The following MAX variants were observed in gnomAD, a reference collection of about 807,000 sequenced individuals.
MAX encodes protein max.
MAX carries 3 observed loss-of-function variants against 22.3 expected under a neutral mutation model. That is an observed-to-expected ratio of 0.13 (90% confidence interval 0.06 to 0.35). The LOEUF is 0.35. Among genes scored for constraint, MAX ranks in the 10% least tolerant of loss-of-function variants. The pLI, the probability that MAX is intolerant of heterozygous loss-of-function variation, is 1.00. For synonymous variants in MAX, 72 were observed against 77.7 expected, an observed-to-expected ratio of 0.93 and a Z score of 0.39; for missense variants, 119 against 209.4, an observed-to-expected ratio of 0.57 and a Z score of 2.66.
At chr14:65,055,243 G>C (rs117920206) in intron 3 of MAX, among the ~76,000 whole-genome samples, 5 of 152,202 alleles carry the variant, frequency 3.3e-5, no homozygotes, top group Non-Finnish European at 5.9e-5. Flanking sequence ...ATGAGGGCAG[G>C]ATGCTCACTG....
chr14:65,015,210 C>T (rs991645741), intron 3 of MAX, among the ~76,000 whole-genome samples: 1 of 151,244 alleles, frequency 6.6e-6, no homozygotes, highest in African/African-American at 2.4e-5. Flanking sequence ...TCAAGTGATT[C>T]TCCTGCTTCG....
chr14:65,048,573 C>T (rs948442824), intron 3 of MAX, among the ~76,000 whole-genome samples: 4 of 152,146 alleles, frequency 2.6e-5, no homozygotes, highest in African/African-American at 9.7e-5. Flanking sequence ...CCTTAAAATG[C>T]TGGACATGGT....
intron 3 of MAX, among the ~76,000 whole-genome samples, chr14:65,019,833 T>G (rs2061852697): frequency 1.3e-5 from 2 of 152,240 alleles, no homozygotes; most frequent in South Asian, 4.1e-4. Flanking sequence ...AAATAGATTA[T>G]TTTTAGTAAG....
At chr14:65,083,851 G>A in intron 3 of MAX, 1 of 1,195,212 alleles carries the variant, frequency 8.4e-7, no homozygotes, top group East Asian at 3.7e-5. Flanking sequence ...GTAAAGGGAG[G>A]GCCCAGGGCT....
intron 3 of MAX, among the ~76,000 whole-genome samples, chr14:65,008,950 G>T (rs971928524): frequency 1.3e-5 from 2 of 152,062 alleles, no homozygotes; most frequent in Admixed American, 1.3e-4. Context: ...GTGAGACGGG[G>T]GCCCTCCTCA....
At chr14:65,100,377 G>A (rs1164391638) in intron 2 of MAX, among the ~76,000 whole-genome samples, 2 of 152,194 alleles carry the variant, frequency 1.3e-5, no homozygotes, top group African/African-American at 4.8e-5. Context: ...TTGAACCCAG[G>A]AGGCGGAGGT....
intron 3 of MAX, chr14:65,040,950 G>T (rs764240926): frequency 6.2e-7 from 1 of 1,608,694 alleles, no homozygotes; most frequent in Non-Finnish European, 8.5e-7. Flanking sequence ...CCCCCTCTCA[G>T]GCCCCAGGTC....
intron 3 of MAX, chr14:65,040,992 C>G: frequency 6.4e-7 from 1 of 1,570,718 alleles, no homozygotes; most frequent in Non-Finnish European, 8.7e-7. Flanking sequence ...GACATGCAGG[C>G]TTCAGGAGAG....
intron 3 of MAX, among the ~76,000 whole-genome samples, chr14:65,045,597 G>C (rs941795728): frequency 2.0e-5 from 3 of 152,122 alleles, no homozygotes; most frequent in Non-Finnish European, 4.4e-5. Context: ...TGTATTTTTA[G>C]TAGAGACAGG....
chr14:65,074,826 C>T (rs1363741627), downstream of MAX, among the ~76,000 whole-genome samples: 4 of 152,188 alleles, frequency 2.6e-5, no homozygotes, highest in Non-Finnish European at 5.9e-5. Context: ...CTACCAATTC[C>T]CCCAAAGGTC....
In MAX at chr14:65,102,494, A is replaced by G; in HGVS notation, c.-155T>C. ...TCTCTCACTCACACACACACACAAC[A>G]CGGGCAAGAACCACCTCCTCACTGC... On this transcript the variant is annotated 5_prime_UTR_variant, in exon 1 of 5. Coordinates refer to ENST00000358664, the MANE Select transcript of MAX (RefSeq NM_002382.5). 6 of 1,484,804 alleles carry G rather than the reference A, an allele frequency of 4.0e-6. No homozygotes were observed. The highest frequency in any genetic ancestry group is 1.4e-5 in the African/African-American group (1 of 72,170). The allele number at this position is 1,484,804 out of a possible 1,614,324, so 92.0% of individuals were successfully genotyped here.
chr14:65,032,676 C>T lies in MAX; in HGVS notation c.172-26392G>A, dbSNP rs1459855883. 1.5e-5 allele frequency: 25 copies of T among 1,613,752 alleles called. No homozygotes were observed. The highest frequency in any genetic ancestry group is 1.9e-5 in the Non-Finnish European group (23 of 1,180,002). On this transcript the variant is annotated intron_variant, in intron 3 of 3. Coordinates refer to the MAX transcript ENST00000341653. This position sits in a 1 kb window ranked among gnomAD's most constrained non-coding sequence, Gnocchi z 5.0. ...TCATCACTCCAGACCTCTTTGAGGG[C>T]ACTGCTGAATGGATAGCAAGGTGAG...
At chr14:65,052,039 C>A (rs1227621241) in intron 3 of MAX, among the ~76,000 whole-genome samples, 4 of 152,066 alleles carry the variant, frequency 2.6e-5, no homozygotes, top group Non-Finnish European at 5.9e-5. Context: ...TCGTGATCAA[C>A]CCCCCTCAGC....
chr14:65,017,083 T>C (rs6573589), intron 3 of MAX, among the ~76,000 whole-genome samples: 145,195 of 152,030 alleles, frequency 0.96, 69,398 homozygotes, highest in East Asian at 1. Context: ...CCACCGTGCC[T>C]GGCTAATTTT....
chr14:65,055,260 C>A (rs942761945), intron 3 of MAX, among the ~76,000 whole-genome samples: 21 of 152,232 alleles, frequency 1.4e-4, no homozygotes, highest in African/African-American at 5.1e-4. Flanking sequence ...ACTGCTGCAG[C>A]CAGCTGAGGA....
chr14:65,022,007 G>C (rs747129875), intron 3 of MAX: 3 of 455,874 alleles, frequency 6.6e-6, no homozygotes, highest in African/African-American at 6.0e-5. Flanking sequence ...GAGACTTGCC[G>C]GTGCTTGATG....
At position 65,093,286 on chromosome 14, in the gene MAX, C is replaced by A. The variant is rs547076746; in HGVS notation, c.171+422G>T. On this transcript the variant is annotated intron_variant, in intron 3 of 4. Coordinates refer to ENST00000358664, the MANE Select transcript of MAX (RefSeq NM_002382.5). The surrounding 1 kb of genome is among the most constrained non-coding windows in gnomAD (Gnocchi z 4.4). ...TTTTTCACATACATTACACACATTTCTGCAAGTGCTCATTTACAATAAAGT... is the reference window on the plus strand; with the variant it reads ...TTTTTCACATACATTACACACATTTATGCAAGTGCTCATTTACAATAAAGT... Among the ~76,000 whole-genome samples the A allele has an allele frequency of 5.7e-5, 8 of 141,084 alleles. No individual in the cohort carries two copies. The highest frequency in any genetic ancestry group is 2.1e-4 in the African/African-American group (7 of 34,132). 92.6% of individuals were successfully genotyped at this position (141,084 alleles called of 152,430 possible).
At chr14:65,013,754 G>T (rs563301351) in intron 3 of MAX, among the ~76,000 whole-genome samples, 1 of 152,224 alleles carries the variant, frequency 6.6e-6, no homozygotes, top group South Asian at 2.1e-4. Context: ...CACCATATTG[G>T]CCAGGCTGGT....
chr14:65,072,323 C>T (rs1383843667), downstream of MAX, among the ~76,000 whole-genome samples: 2 of 152,154 alleles, frequency 1.3e-5, no homozygotes, highest in East Asian at 3.9e-4. Flanking sequence ...TTTCTTCCTT[C>T]TCAAGTTTAA....
Sources: allele counts gnomAD v4.1 joint callset (sites outside exome capture counted in the v4.1 genomes callset), GRCh38; gene constraint gnomAD v4.1.1; non-coding constraint Gnocchi (gnomAD v3.1); transcripts MANE v1.5; gene names NCBI Gene and HGNC (gene_info 2026-07-23, HGNC 2026-07-21).